The following PRKN variants were observed in gnomAD, a reference collection of about 807,000 sequenced individuals.
PRKN encodes the protein parkin RBR E3 ubiquitin protein ligase.
A neutral mutation model predicts 59.5 loss-of-function variants in PRKN; 56 were observed. That is an observed-to-expected ratio of 0.94 (90% CI 0.76 to 1.18). The LOEUF (loss-of-function observed/expected upper bound fraction) is 1.18, where lower values mean the gene tolerates loss of function less well. Among genes scored for constraint, PRKN ranks in the 50% most tolerant of loss-of-function variants. The pLI is 0.00. For missense variants in PRKN, 657 were observed against 596.4 expected (o/e 1.10, Z -1.06); for synonymous variants, 250 against 222.1 (o/e 1.13, Z -1.12).
chr6:162,019,558 A>T (rs979176720), intron 5 of PRKN, among the ~76,000 whole-genome samples: 7 of 152,154 alleles, frequency 4.6e-5, no homozygotes, highest in Non-Finnish European at 1.0e-4. Context: ...CTGATGTGTA[A>T]TTAATCTGCT....
intron 2 of PRKN, among the ~76,000 whole-genome samples, chr6:162,382,018 C>A (rs1010417824): frequency 6.6e-6 from 1 of 152,040 alleles, no homozygotes; most frequent in African/African-American, 2.4e-5. Flanking sequence ...GGTTATTGGT[C>A]AAAAATTTCT....
chr6:161,602,770 T>C (rs1283701044), intron 7 of PRKN, among the ~76,000 whole-genome samples: 2 of 152,244 alleles, frequency 1.3e-5, no homozygotes, highest in African/African-American at 4.8e-5. Context: ...GTTGGTAACT[T>C]ATTAGGCCAA....
chr6:162,316,474 G>C (rs373974135), intron 2 of PRKN, among the ~76,000 whole-genome samples: 21 of 152,180 alleles, frequency 1.4e-4, no homozygotes, highest in East Asian at 5.8e-4. Context: ...GTCTATAATA[G>C]AGAAAACCAT....
At chr6:162,331,015 A>G (rs1451155752) in intron 2 of PRKN, among the ~76,000 whole-genome samples, 1 of 152,244 alleles carries the variant, frequency 6.6e-6, no homozygotes, top group Middle Eastern at 3.4e-3. Flanking sequence ...CAGGTTTTCC[A>G]TCACTCTATT....
chr6:162,064,734 A>G (rs7740268), intron 4 of PRKN, among the ~76,000 whole-genome samples: 126,567 of 152,250 alleles, frequency 0.83, 52,802 homozygotes, highest in Admixed American at 0.88. Context: ...AAAAATCTGT[A>G]TTTTCAAAGT....
At chr6:161,416,629 G>C (rs1438336530) in intron 9 of PRKN, among the ~76,000 whole-genome samples, 1 of 152,122 alleles carries the variant, frequency 6.6e-6, no homozygotes, top group Non-Finnish European at 1.5e-5. Context: ...ATCCGCTGCT[G>C]CCTCGCAGGA....
chr6:161,498,377 A>T lies in PRKN; in HGVS notation c.1083+50477T>A, dbSNP rs73591632. 0.021 allele frequency among the ~76,000 whole-genome samples: 3,204 copies of T among 151,948 alleles called. 126 individuals carry two copies. The highest frequency in any genetic ancestry group is 0.073 in the African/African-American group (3,034 of 41,400). On this transcript the variant is annotated intron_variant, in intron 9 of 11. Coordinates refer to ENST00000366898, the MANE Select transcript of PRKN (RefSeq NM_004562.3). The surrounding 1 kb of genome is among the most constrained non-coding windows in gnomAD (Gnocchi z 4.2). The stretch of plus-strand genomic sequence containing the variant: ...CCTATTCCTCAGTAAATAAAAGCTC[A>T]CTCTCTGGTTTGGAATTCAAGCCTC...
At chr6:162,308,999 T>A (rs1388538024) in intron 2 of PRKN, among the ~76,000 whole-genome samples, 2 of 152,144 alleles carry the variant, frequency 1.3e-5, no homozygotes, top group Non-Finnish European at 2.9e-5. Context: ...ACAAACAATG[T>A]AATTTAGTCA....
intron 7 of PRKN, among the ~76,000 whole-genome samples, chr6:161,687,723 T>C (rs1785620243): frequency 6.6e-6 from 1 of 152,012 alleles, no homozygotes; most frequent in African/African-American, 2.4e-5. Context: ...CTCAAAGTGC[T>C]GGGATTACAG....
At chr6:162,064,494 G>A (rs569973693) in intron 4 of PRKN, among the ~76,000 whole-genome samples, 2 of 152,262 alleles carry the variant, frequency 1.3e-5, no homozygotes, top group Admixed American at 6.5e-5. Context: ...TCTGTTATAA[G>A]ATAATCCAAG....
At chr6:162,650,337 C>G (rs1360704485) in intron 1 of PRKN, among the ~76,000 whole-genome samples, 1 of 152,044 alleles carries the variant, frequency 6.6e-6, no homozygotes, top group East Asian at 1.9e-4. Flanking sequence ...GTGGCTCACG[C>G]CTGTAATCCC....
chr6:162,226,137 GAGAA>G (rs1350971901), intron 3 of PRKN, among the ~76,000 whole-genome samples: 1 of 150,724 alleles, frequency 6.6e-6, no homozygotes, highest in African/African-American at 2.4e-5. Flanking sequence ...AGAACTTAAG[GAGAA>G]AGAGTCAGTG....
intron 7 of PRKN, among the ~76,000 whole-genome samples, chr6:161,597,400 G>A (rs1247856491): frequency 6.6e-6 from 1 of 152,158 alleles, no homozygotes; most frequent in East Asian, 1.9e-4. Flanking sequence ...AAGGATTACT[G>A]GCAACCCAAG....
At chr6:162,369,884 G>T (rs926518488) in intron 2 of PRKN, among the ~76,000 whole-genome samples, 2 of 152,126 alleles carry the variant, frequency 1.3e-5, no homozygotes, top group Non-Finnish European at 2.9e-5. Flanking sequence ...CCTGCCTCAA[G>T]ACTTGTGGCT....
chr6:162,459,433 A>T (rs926942725), intron 1 of PRKN, among the ~76,000 whole-genome samples: 1 of 152,186 alleles, frequency 6.6e-6, no homozygotes, highest in Admixed American at 6.5e-5. Flanking sequence ...TGTCAGTTAG[A>T]TGGTCAGTAA....
intron 7 of PRKN, among the ~76,000 whole-genome samples, chr6:161,703,662 A>G (rs1478386100): frequency 1.3e-5 from 2 of 152,076 alleles, no homozygotes; most frequent in African/African-American, 4.8e-5. Flanking sequence ...ACCTTGTTTA[A>G]TAAACATTGT....
intron 6 of PRKN, among the ~76,000 whole-genome samples, chr6:161,899,893 T>C (rs942752037): frequency 6.6e-6 from 1 of 152,042 alleles, no homozygotes; most frequent in Non-Finnish European, 1.5e-5. Context: ...GAGGCCGAGG[T>C]GGGCAGATCA....
At chr6:162,161,777 C>A (rs1382565440) in intron 4 of PRKN, among the ~76,000 whole-genome samples, 5 of 152,148 alleles carry the variant, frequency 3.3e-5, no homozygotes, top group Admixed American at 3.3e-4. Flanking sequence ...TTTATCAACG[C>A]AACATAACAA....
chr6:161,743,618 G>T (rs1788290195), intron 7 of PRKN, among the ~76,000 whole-genome samples: 1 of 151,692 alleles, frequency 6.6e-6, no homozygotes, highest in African/African-American at 2.4e-5. Context: ...CCATCCCTTT[G>T]TCCTCCGCCC....
Sources: allele counts gnomAD v4.1 joint callset (sites outside exome capture counted in the v4.1 genomes callset), GRCh38; gene constraint gnomAD v4.1.1; non-coding constraint Gnocchi (gnomAD v3.1); transcripts MANE v1.5; gene names NCBI Gene and HGNC (gene_info 2026-07-23, HGNC 2026-07-21).